The following DAAM1 variants were observed in gnomAD, a reference collection of about 807,000 sequenced individuals.
DAAM1 encodes the protein dishevelled associated activator of morphogenesis 1.
In DAAM1, 52 loss-of-function variants were observed where a neutral mutation model predicts 130.0. The ratio of observed to expected loss-of-function variants is 0.40; its 90% confidence interval spans 0.32 to 0.50. The LOEUF is 0.50. DAAM1 is among the 20% of genes least tolerant of loss of function. The probability of loss-of-function intolerance (pLI) is 0.61; values close to 1 mark genes in which losing one functional copy is unlikely to be tolerated. For synonymous variants in DAAM1, 452 were observed against 444.5 expected, an observed-to-expected ratio of 1.02 and a Z score of -0.21; for missense variants, 1,134 against 1,303.8, an observed-to-expected ratio of 0.87 and a Z score of 2.01.
At chr14:59,316,132 G>C (rs1396063786) in intron 4 of DAAM1, among the ~76,000 whole-genome samples, 1 of 152,096 alleles carries the variant, frequency 6.6e-6, no homozygotes, top group Non-Finnish European at 1.5e-5. Flanking sequence ...GCCCATAGTA[G>C]AATGCAGTCT....
chr14:59,289,784 A>ATATATATATATATATACATATAT, intron 2 of DAAM1, among the ~76,000 whole-genome samples: 2 of 128,772 alleles, frequency 1.6e-5, no homozygotes, highest in African/African-American at 5.7e-5. Flanking sequence ...ATATATATAT[A>ATATATATATATATATACATATAT]ATGGAATGCT....
At chr14:59,195,284 C>T (rs1414240351) in intron 1 of DAAM1, among the ~76,000 whole-genome samples, 3 of 152,000 alleles carry the variant, frequency 2.0e-5, no homozygotes, top group Middle Eastern at 3.4e-3. Context: ...GCTGGGACTA[C>T]AGGTGTCCAC....
intron 2 of DAAM1, among the ~76,000 whole-genome samples, chr14:59,270,936 G>A (rs914441965): frequency 6.6e-6 from 1 of 152,114 alleles, no homozygotes; most frequent in African/African-American, 2.4e-5. Flanking sequence ...TTTTTGAAGT[G>A]TATTATAGTC....
At chr14:59,192,070 T>C (rs1163323528) in intron 1 of DAAM1, among the ~76,000 whole-genome samples, 1 of 151,786 alleles carries the variant, frequency 6.6e-6, no homozygotes, top group Non-Finnish European at 1.5e-5. Context: ...GGGTGGTGCT[T>C]ACAGGAGCTC....
intron 4 of DAAM1, among the ~76,000 whole-genome samples, chr14:59,315,665 G>A (rs922275930): frequency 3.3e-5 from 5 of 152,086 alleles, no homozygotes; most frequent in African/African-American, 7.2e-5. Flanking sequence ...CCAGTCACTC[G>A]GAGCTTGGTT....
At chr14:59,222,025 A>C (rs772576119) in intron 1 of DAAM1, among the ~76,000 whole-genome samples, 3 of 152,246 alleles carry the variant, frequency 2.0e-5, no homozygotes, top group Non-Finnish European at 4.4e-5. Context: ...CAGAGCATAT[A>C]CAGTCTTCTG....
Position 59,371,327 on chromosome 14 carries a change from AAAG to A in DAAM1, c.*2469_*2471del, listed in dbSNP as rs1887166221. 1 of 152,138 alleles carries A rather than the reference AAAG, an allele frequency of 6.6e-6. No homozygotes were observed. The highest frequency in any genetic ancestry group is 1.5e-5 in the Non-Finnish European group (1 of 68,010). The allele number at this position is 152,138 out of a possible 1,614,324, so 9.4% of individuals were successfully genotyped here. A position where few individuals can be genotyped will look rare whatever the true frequency, so the allele number is the denominator to read the frequency against. On this transcript the variant is annotated 3_prime_UTR_variant, in exon 25 of 25. Coordinates refer to ENST00000360909, the MANE Select transcript of DAAM1 (RefSeq NM_001270520.2). ...GTTGTTAGATAGTACTGAGAAAAAA[AAAG>A]TATGTGTTATGAGACTGTACATGTT...
intron 3 of DAAM1, among the ~76,000 whole-genome samples, chr14:59,308,486 G>T (rs1434157217): frequency 6.6e-6 from 1 of 152,024 alleles, no homozygotes. Context: ...GTTACAAGGA[G>T]ACATCTGTCA....
intron 16 of DAAM1, among the ~76,000 whole-genome samples, chr14:59,346,310 A>G (rs1308689191): frequency 3.3e-5 from 5 of 152,216 alleles, no homozygotes; most frequent in South Asian, 2.1e-4. Context: ...CCCTACTTCA[A>G]AAGTTGCATG....
intron 1 of DAAM1, among the ~76,000 whole-genome samples, chr14:59,238,964 C>T (rs145683563): frequency 1.9e-3 from 293 of 152,018 alleles, no homozygotes; most frequent in African/African-American, 6.7e-3. Flanking sequence ...TGCAGAATAT[C>T]GAAAAAAGGA....
chr14:59,221,095 G>T (rs1307954827), intron 1 of DAAM1, among the ~76,000 whole-genome samples: 2 of 152,124 alleles, frequency 1.3e-5, no homozygotes, highest in Admixed American at 6.5e-5. Context: ...ACAATGACAA[G>T]GTCATAATTC....
chr14:59,202,713 C>G (rs1408126232), intron 1 of DAAM1, among the ~76,000 whole-genome samples: 2 of 152,180 alleles, frequency 1.3e-5, no homozygotes, highest in Non-Finnish European at 2.9e-5. Flanking sequence ...ATGAAATGCT[C>G]TTTGCGTTCC....
intron 3 of DAAM1, among the ~76,000 whole-genome samples, chr14:59,297,356 T>C (rs945857733): frequency 3.9e-5 from 6 of 152,084 alleles, no homozygotes; most frequent in African/African-American, 1.4e-4. Context: ...TTCCAGAAAG[T>C]GATAAGAGAT....
intron 2 of DAAM1, among the ~76,000 whole-genome samples, chr14:59,270,509 C>T (rs920831536): frequency 1.3e-5 from 2 of 152,164 alleles, no homozygotes; most frequent in African/African-American, 4.8e-5. Context: ...CCAAACACTT[C>T]CCATTAGGCC....
At chr14:59,240,210 C>T (rs1164481748) in intron 1 of DAAM1, among the ~76,000 whole-genome samples, 4 of 152,072 alleles carry the variant, frequency 2.6e-5, no homozygotes, top group East Asian at 1.9e-4. Context: ...GCTGACCGCC[C>T]CCAGTTCTAT....
At chr14:59,242,115 C>T (rs535425606) in intron 1 of DAAM1, among the ~76,000 whole-genome samples, 13 of 152,292 alleles carry the variant, frequency 8.5e-5, no homozygotes, top group African/African-American at 2.9e-4. Flanking sequence ...TAACTAAAGT[C>T]ACAGAGCTAC....
chr14:59,205,662 A>G (rs900054690), intron 1 of DAAM1, among the ~76,000 whole-genome samples: 4 of 152,234 alleles, frequency 2.6e-5, no homozygotes, highest in Admixed American at 1.3e-4. Context: ...CCTTAAAGAC[A>G]TGATGTACTA....
intron 1 of DAAM1, among the ~76,000 whole-genome samples, chr14:59,201,925 C>G (rs1888117783): frequency 6.6e-6 from 1 of 152,134 alleles, no homozygotes; most frequent in Non-Finnish European, 1.5e-5. Flanking sequence ...TACACTGAAC[C>G]TAATGCTTCT....
intron 1 of DAAM1, among the ~76,000 whole-genome samples, chr14:59,241,969 C>T (rs1302492155): frequency 1.3e-5 from 2 of 152,088 alleles, no homozygotes; most frequent in African/African-American, 4.8e-5. Context: ...GATTAAATTG[C>T]TCAAATCAAG....
Sources: gnomAD v4.1 joint callset for allele counts (sites outside exome capture counted in the v4.1 genomes callset) on GRCh38, gnomAD v4.1.1 for gene constraint, MANE v1.5 for transcripts, NCBI Gene and HGNC (gene_info 2026-07-23, HGNC 2026-07-21) for gene names.